DIABLO: variants seen among roughly 807,000 people sequenced by gnomAD.
DIABLO encodes the protein diablo IAP-binding mitochondrial protein.
DIABLO carries 32 observed loss-of-function variants against 31.7 expected under a neutral mutation model. That is an observed-to-expected ratio of 1.01 (90% confidence interval 0.76 to 1.35). The LOEUF is 1.35. Ranked by LOEUF, DIABLO falls within the 40% of genes most tolerant of loss-of-function variation. The probability of loss-of-function intolerance (pLI) is 0.00; values close to 1 mark genes in which losing one functional copy is unlikely to be tolerated. For synonymous variants in DIABLO, 132 were observed against 103.2 expected (o/e 1.28, Z -1.69); for missense variants, 316 against 286.4 (o/e 1.10, Z -0.75).
At chr12:122,224,903 G>A in intron 1 of DIABLO, 2 of 1,293,780 alleles carry the variant, frequency 1.5e-6, no homozygotes, top group South Asian at 1.4e-5. Flanking sequence ...GAGCCCAGGA[G>A]TTCACGACCA....
chr12:122,211,756 C>G (rs560111790), intron 5 of DIABLO, among the ~76,000 whole-genome samples: 1 of 152,062 alleles, frequency 6.6e-6, no homozygotes. Flanking sequence ...TGCAAGCGTG[C>G]TCAGAAAATT....
chr12:122,225,688 G>C, intron 1 of DIABLO: 3 of 1,395,810 alleles, frequency 2.1e-6, no homozygotes, highest in Non-Finnish European at 2.8e-6. Context: ...TGGCTGACGA[G>C]GGCTGGTCAG....
intron 1 of DIABLO, 41 bp downstream of exon 1, chr12:122,225,920 GTCCC>G: frequency 6.4e-7 from 1 of 1,559,884 alleles, no homozygotes; most frequent in Non-Finnish European, 8.7e-7. Flanking sequence ...GTCCGCGTCG[GTCCC>G]TCCCTCTGGT....
intron 1 of DIABLO, 131 bp downstream of exon 1, chr12:122,225,834 G>A: frequency 6.6e-7 from 1 of 1,516,170 alleles, no homozygotes; most frequent in Non-Finnish European, 8.8e-7. Context: ...ACCGGAGCGA[G>A]ACGCCGCGAC....
chr12:122,216,352 G>T, intron 5 of DIABLO, 136 bp downstream of exon 5: 1 of 732,234 alleles, frequency 1.4e-6, no homozygotes, highest in Non-Finnish European at 2.3e-6. Flanking sequence ...TAGGAAATGG[G>T]GAAAATTTCT....
At chr12:122,208,710 C>G in intron 5 of DIABLO, 133 bp from the exon 6 acceptor site, 1 of 853,462 alleles carries the variant, frequency 1.2e-6, no homozygotes, top group Non-Finnish European at 1.9e-6. Flanking sequence ...TCCCTGTCTT[C>G]TCTCTCTGCA....
At chr12:122,213,528 G>T (rs1193452824) in intron 5 of DIABLO, among the ~76,000 whole-genome samples, 1 of 124,148 alleles carries the variant, frequency 8.1e-6, no homozygotes, top group Non-Finnish European at 1.7e-5. Flanking sequence ...AAAAAATTCC[G>T]TTTACAACTT....
upstream of DIABLO, chr12:122,226,514 G>A (rs999626064): frequency 1.4e-6 from 1 of 699,150 alleles, no homozygotes; most frequent in Non-Finnish European, 2.6e-6. Context: ...GCACGAAGGC[G>A]AGCAGCTCCC....
At chr12:122,208,645 C>A in intron 5 of DIABLO, 68 bp from the exon 6 acceptor site, 1 of 1,527,860 alleles carries the variant, frequency 6.5e-7, no homozygotes, top group South Asian at 1.2e-5. Context: ...TGGACGTTGG[C>A]CTGGGGGTGC....
intron 2 of DIABLO, chr12:122,222,249 A>C (rs2136104946): frequency 6.6e-6 from 1 of 151,746 alleles, no homozygotes; most frequent in East Asian, 1.9e-4. Flanking sequence ...TTCAAAACCC[A>C]CTCCTCTCCA....
intron 5 of DIABLO, chr12:122,208,842 T>C (rs1954006736): frequency 3.5e-6 from 2 of 575,450 alleles, no homozygotes; most frequent in African/African-American, 3.7e-5. Context: ...ACAATCATCT[T>C]TATAGCTACA....
Position 122,225,947 on chromosome 12 carries a change from A to G in DIABLO, c.50+18T>C. ...CCCTCCCTCTGGTCCTGTCCCCTCT[A>G]CGCGGCCGCAGCGGTACCTGAAGAA... On this transcript the variant is annotated intron_variant, in intron 1 of 5. Coordinates refer to ENST00000464942, the MANE Select transcript of DIABLO (RefSeq NM_001371333.1). 1.3e-6 allele frequency: 2 copies of G among 1,583,812 alleles called. No homozygotes were observed. The highest frequency in any genetic ancestry group is 1.7e-6 in the Non-Finnish European group (2 of 1,165,752).
At position 122,218,296 on chromosome 12, in the gene DIABLO, C is replaced by A; in HGVS notation, c.285G>T (p.Ala95=). 1 of 1,614,060 alleles carries A rather than the reference C, an allele frequency of 6.2e-7. No homozygotes were observed. The highest frequency in any genetic ancestry group is 2.2e-5 in the East Asian group (1 of 44,862). The change falls in exon 3 of 6, where the codon GCG becomes GCT. Residue 95 remains alanine, a synonymous_variant. Coordinates refer to ENST00000464942, the MANE Select transcript of DIABLO (RefSeq NM_001371333.1). ...TSTFLSQTTY[A]LIEAITEYTK... Reference sequence around the variant, plus strand: ...TATATTCAGTAATAGCTTCAATCAACGCATATGTGGTCTGAGAGAGAAAGG... The same window carrying A: ...TATATTCAGTAATAGCTTCAATCAAAGCATATGTGGTCTGAGAGAGAAAGG...
chr12:122,214,411 A>C (rs1028959826), intron 5 of DIABLO, among the ~76,000 whole-genome samples: 1 of 152,158 alleles, frequency 6.6e-6, no homozygotes, highest in Non-Finnish European at 1.5e-5. Flanking sequence ...ATCAGAAAAC[A>C]AGAGTATGTT....
At chr12:122,209,287 C>T (rs1352047765) in intron 5 of DIABLO, among the ~76,000 whole-genome samples, 3 of 151,650 alleles carry the variant, frequency 2.0e-5, no homozygotes, top group Admixed American at 6.6e-5. Flanking sequence ...AGCTTGGACC[C>T]GGGAGGCGAA....
At chr12:122,224,915 C>T in intron 1 of DIABLO, 1 of 1,182,102 alleles carries the variant, frequency 8.5e-7, no homozygotes, top group Non-Finnish European at 1.1e-6. Context: ...TCACGACCAG[C>T]CTGGGCAACA....
intron 2 of DIABLO, among the ~76,000 whole-genome samples, chr12:122,223,570 C>G (rs978877478): frequency 3.3e-5 from 5 of 152,172 alleles, no homozygotes; most frequent in Non-Finnish European, 7.3e-5. Context: ...CGGTCTCCCC[C>G]ATTCGCCTCC....
chr12:122,208,922 T>G, intron 5 of DIABLO: 1 of 382,548 alleles, frequency 2.6e-6, no homozygotes, highest in Non-Finnish European at 5.0e-6. Flanking sequence ...GACAAAGAGA[T>G]CATGAATAAA....
intron 5 of DIABLO, among the ~76,000 whole-genome samples, chr12:122,210,785 AG>A (rs1050085787): frequency 2.0e-5 from 3 of 152,180 alleles, no homozygotes; most frequent in African/African-American, 7.2e-5. Context: ...GAGGGGGCAA[AG>A]TTTTATATTT....
Sources: gnomAD v4.1 joint callset for allele counts (sites outside exome capture counted in the v4.1 genomes callset) on GRCh38, gnomAD v4.1.1 for gene constraint, MANE v1.5 for transcripts, NCBI Gene and HGNC (gene_info 2026-07-23, HGNC 2026-07-21) for gene names.